KREMEN1: variants seen among roughly 807,000 people sequenced by gnomAD.
KREMEN1 encodes kringle containing transmembrane protein 1, also known as kremen protein 1.
A neutral mutation model predicts 46.5 loss-of-function variants in KREMEN1; 30 were observed. That is an observed-to-expected ratio of 0.65 (90% CI 0.48 to 0.88). The LOEUF (loss-of-function observed/expected upper bound fraction) is 0.88. Ranked by LOEUF, KREMEN1 falls within the 40% of genes least tolerant of loss-of-function variation. The pLI is 0.00. For missense variants in KREMEN1, 533 were observed against 596.9 expected (o/e 0.89, Z 1.11); for synonymous variants, 214 against 230.6 (o/e 0.93, Z 0.65).
At chr22:29,117,598 A>C (rs2038263959) in intron 3 of KREMEN1, among the ~76,000 whole-genome samples, 1 of 152,006 alleles carries the variant, frequency 6.6e-6, no homozygotes. Context: ...CTAAGAGTCT[A>C]TATGCCTGTC....
chr22:29,132,001 T>C (rs1379697258), intron 5 of KREMEN1, among the ~76,000 whole-genome samples: 1 of 147,230 alleles, frequency 6.8e-6, no homozygotes, highest in Non-Finnish European at 1.5e-5. Context: ...GCCTCCGGAG[T>C]AGCTGGGATT....
intron 5 of KREMEN1, among the ~76,000 whole-genome samples, chr22:29,125,774 C>T (rs561461816): frequency 1.5e-4 from 23 of 152,102 alleles, no homozygotes; most frequent in Admixed American, 1.3e-3. Context: ...ATATAATTTC[C>T]AAACCCTTTT....
chr22:29,116,676 T>C (rs565852663), intron 3 of KREMEN1, among the ~76,000 whole-genome samples: 1 of 152,312 alleles, frequency 6.6e-6, no homozygotes, highest in South Asian at 2.1e-4. Flanking sequence ...GTAAGCATAA[T>C]GGAATAAATG....
downstream of KREMEN1, among the ~76,000 whole-genome samples, chr22:29,150,829 C>A (rs1319503726): frequency 6.6e-6 from 1 of 152,198 alleles, no homozygotes; most frequent in East Asian, 1.9e-4. Flanking sequence ...AAGTGACCAA[C>A]AGACATTACC....
chr22:29,157,636 C>T (rs1569342507), intron 9 of KREMEN1, among the ~76,000 whole-genome samples: 2 of 152,126 alleles, frequency 1.3e-5, no homozygotes, highest in Non-Finnish European at 2.9e-5. Context: ...CCACATCCAG[C>T]CCCCACCATG....
chr22:29,114,582 C>T (rs149214038), intron 3 of KREMEN1, among the ~76,000 whole-genome samples: 1 of 151,522 alleles, frequency 6.6e-6, no homozygotes, highest in Non-Finnish European at 1.5e-5. Flanking sequence ...GTCTGAAAGC[C>T]AGGAAGAGGG....
At chr22:29,134,811 C>A (rs1319836419) in intron 5 of KREMEN1, among the ~76,000 whole-genome samples, 2 of 152,148 alleles carry the variant, frequency 1.3e-5, no homozygotes, top group Admixed American at 6.5e-5. Context: ...GCCTAGAGTA[C>A]CCGTGAGTTT....
intron 9 of KREMEN1, among the ~76,000 whole-genome samples, chr22:29,159,083 G>C (rs1468507524): frequency 6.7e-6 from 1 of 149,020 alleles, no homozygotes; most frequent in Non-Finnish European, 1.5e-5. Flanking sequence ...GCCTCCTAAA[G>C]TGCTGGGATT....
chr22:29,126,486 A>G (rs1362797210), intron 5 of KREMEN1, among the ~76,000 whole-genome samples: 2 of 152,022 alleles, frequency 1.3e-5, no homozygotes, highest in Non-Finnish European at 2.9e-5. Flanking sequence ...TCACATGGCC[A>G]TCTTCCCTCT....
At chr22:29,077,737 T>G (rs1042432093) in intron 1 of KREMEN1, among the ~76,000 whole-genome samples, 1 of 152,210 alleles carries the variant, frequency 6.6e-6, no homozygotes, top group Admixed American at 6.5e-5. Flanking sequence ...TCAAGGTCCA[T>G]GTCTTCTGAT....
At chr22:29,150,774 C>A (rs1457344002), downstream of KREMEN1, among the ~76,000 whole-genome samples, 1 of 152,190 alleles carries the variant, frequency 6.6e-6, no homozygotes, top group Non-Finnish European at 1.5e-5. Flanking sequence ...AGATTAATAA[C>A]CACTACCATC....
intron 1 of KREMEN1, among the ~76,000 whole-genome samples, chr22:29,080,962 T>TTTC (rs2037645751): frequency 1.3e-5 from 2 of 150,122 alleles, no homozygotes; most frequent in African/African-American, 4.9e-5. Context: ...TTTTTTTTTT[T>TTTC]AGCGTCAAGC....
intron 8 of KREMEN1, 101 bp downstream of exon 8, chr22:29,140,467 A>G: frequency 2.3e-6 from 2 of 877,622 alleles, no homozygotes; most frequent in Non-Finnish European, 1.9e-6. Context: ...GAATAAGCAC[A>G]TGATTCCAAA....
At chr22:29,092,097 G>A (rs76072786) in intron 1 of KREMEN1, among the ~76,000 whole-genome samples, 13,146 of 152,144 alleles carry the variant, frequency 0.086, 817 homozygotes, top group African/African-American at 0.17. Flanking sequence ...AATGGATTGT[G>A]AGAGAACAGA....
chr22:29,094,387 G>C lies in KREMEN1; in HGVS notation c.227G>C (p.Gly76Ala), dbSNP rs772228951. ...TACAACACTCTGAAATACCCCAACG[G>C]GGAGGGGGGCCTGGGTGAGCACAAC... ...HPYNTLKYPN[G>A]EGGLGEHNYC... Residue 76 changes from glycine to alanine, a missense_variant, in exon 2 of 9, where the codon GGG becomes GCG. Transcript: ENST00000400335. 1.2e-6 allele frequency: 2 copies of C among 1,613,840 alleles called. No homozygotes were observed. Among genetic ancestry groups the C allele is most frequent in the Non-Finnish European group, 1.7e-6 (2 of 1,179,924 alleles).
chr22:29,136,392 T>G (rs953560009), intron 5 of KREMEN1, among the ~76,000 whole-genome samples: 1 of 151,452 alleles, frequency 6.6e-6, no homozygotes, highest in Non-Finnish European at 1.5e-5. Flanking sequence ...GCTAACACGG[T>G]GAAACCCCAT....
At position 29,143,024 on chromosome 22, in the gene KREMEN1, C is replaced by A; in HGVS notation, c.*912C>A. 2.2e-6 allele frequency: 1 copy of A among 451,670 alleles called. No individual in the cohort carries two copies. Among genetic ancestry groups the A allele is most frequent in the Non-Finnish European group, 2.9e-6 (1 of 342,582 alleles). 28.0% of individuals were successfully genotyped at this position (451,670 alleles called of 1,614,324 possible). ...AATTAGTCAGGCGTGGTGGCAGGCG[C>A]CTGTAATCCCAGCTACTCAGAAGGC... On this transcript the variant is annotated 3_prime_UTR_variant, in exon 9 of 9. Transcript: ENST00000400335.
intron 5 of KREMEN1, among the ~76,000 whole-genome samples, chr22:29,136,975 A>G (rs1000839486): frequency 2.0e-5 from 3 of 152,164 alleles, no homozygotes; most frequent in Admixed American, 6.5e-5. Context: ...CCCGTGATAC[A>G]GGAGCAGATG....
At chr22:29,100,356 C>T (rs370944810) in intron 3 of KREMEN1, among the ~76,000 whole-genome samples, 144 of 152,186 alleles carry the variant, frequency 9.5e-4, no homozygotes, top group Admixed American at 1.2e-3. Flanking sequence ...TCAGGTGATC[C>T]GCCCGCCTTG....
Sources: gnomAD v4.1 joint callset for allele counts (sites outside exome capture counted in the v4.1 genomes callset) on GRCh38, gnomAD v4.1.1 for gene constraint, MANE v1.5 for transcripts, NCBI Gene and HGNC (gene_info 2026-07-23, HGNC 2026-07-21) for gene names.